Variants in DOK6 observed in about 807,000 individuals in gnomAD.
The protein encoded by DOK6 is downstream of tyrosine kinase 6.
DOK6 carries 22 observed loss-of-function variants against 44.0 expected under a neutral mutation model. The ratio of observed to expected loss-of-function variants is 0.50; its 90% confidence interval spans 0.36 to 0.71. DOK6 has a LOEUF of 0.71. Ranked by LOEUF, DOK6 falls within the 30% of genes least tolerant of loss-of-function variation. The pLI is 0.00. For synonymous variants in DOK6, 166 were observed against 145.5 expected (o/e 1.14, Z -1.01); for missense variants, 340 against 416.4 (o/e 0.82, Z 1.60).
intron 5 of DOK6, among the ~76,000 whole-genome samples, chr18:69,703,855 T>C (rs558861020): frequency 6.6e-6 from 1 of 152,294 alleles, no homozygotes; most frequent in East Asian, 1.9e-4. Context: ...GATAGGTCCT[T>C]TATAGATGGA....
chr18:69,659,176 T>C (rs1243777584), intron 3 of DOK6, among the ~76,000 whole-genome samples: 2 of 152,240 alleles, frequency 1.3e-5, no homozygotes, highest in Non-Finnish European at 2.9e-5. Context: ...TCTCTGCTGC[T>C]CCAGCATTTA....
chr18:69,717,817 G>A lies in DOK6; in HGVS notation c.599+19224G>A, dbSNP rs528536511. Reference sequence around the variant, plus strand: ...AAGGAGGTGGTTGTGAGTGTGGGCTGTATATTGGTTGGTTTGCATTTGAAA... The same window carrying A: ...AAGGAGGTGGTTGTGAGTGTGGGCTATATATTGGTTGGTTTGCATTTGAAA... On this transcript the variant is annotated intron_variant, in intron 5 of 7. Transcript: ENST00000382713. 1.8e-4 allele frequency among the ~76,000 whole-genome samples: 28 copies of A among 152,274 alleles called. No individual in the cohort carries two copies. The Middle Eastern group carries it at 0.01, about 55-fold the overall frequency.
In DOK6 at chr18:69,742,360, G is replaced by A. The variant is rs538265900; in HGVS notation, c.738+3257G>A. On this transcript the variant is annotated intron_variant, in intron 6 of 7. Coordinates refer to ENST00000382713, the MANE Select transcript of DOK6 (RefSeq NM_152721.6). ...ACCCAGGAGGCAGAGGTTGCAGTGA[G>A]CCGAGTTCGTGCCATTGCACTCTAG... 6.9e-4 allele frequency among the ~76,000 whole-genome samples: 105 copies of A among 151,134 alleles called. 1 individual carries two copies. The highest frequency in any genetic ancestry group is 2.5e-3 in the African/African-American group (101 of 41,170).
chr18:69,670,982 C>A (rs1463424453), intron 3 of DOK6, among the ~76,000 whole-genome samples: 2 of 152,124 alleles, frequency 1.3e-5, no homozygotes, highest in African/African-American at 2.4e-5. Context: ...TCCCCCAACA[C>A]ACACACACAC....
chr18:69,532,255 C>T (rs561355234), intron 1 of DOK6, among the ~76,000 whole-genome samples: 5 of 152,278 alleles, frequency 3.3e-5, no homozygotes, highest in Non-Finnish European at 5.9e-5. Flanking sequence ...TCCCTTCTCC[C>T]GGTTTTACTG....
chr18:69,668,232 C>G (rs1034224272), intron 3 of DOK6, among the ~76,000 whole-genome samples: 4 of 152,156 alleles, frequency 2.6e-5, no homozygotes, highest in African/African-American at 7.2e-5. Flanking sequence ...TTCCTCTTCT[C>G]CTGTTATCCA....
Position 69,595,803 on chromosome 18 carries a change from G to A in DOK6, c.175-3581G>A, listed in dbSNP as rs143410707. On this transcript the variant is annotated intron_variant, in intron 2 of 7. Coordinates refer to ENST00000382713, the MANE Select transcript of DOK6 (RefSeq NM_152721.6). Reference sequence around the variant, plus strand: ...GGTGCAAAAAATTTTTAATCCATGCGTAGTTTTTTCACTATAAGCATTTTC... The same window carrying A: ...GGTGCAAAAAATTTTTAATCCATGCATAGTTTTTTCACTATAAGCATTTTC... Among the ~76,000 whole-genome samples the A allele has an allele frequency of 5.6e-3, 860 of 152,244 alleles. 3 individuals carry two copies. Among genetic ancestry groups the A allele is most frequent in the East Asian group, 0.02 (106 of 5,178 alleles).
At chr18:69,429,261 A>T (rs2122419948) in intron 1 of DOK6, among the ~76,000 whole-genome samples, 1 of 152,218 alleles carries the variant, frequency 6.6e-6, no homozygotes, top group Middle Eastern at 3.4e-3. Context: ...TAGCATGGAC[A>T]TATTCCTGTG....
intron 7 of DOK6, among the ~76,000 whole-genome samples, chr18:69,836,210 T>C (rs1334277267): frequency 6.6e-6 from 1 of 152,204 alleles, no homozygotes; most frequent in Non-Finnish European, 1.5e-5. Context: ...CTGGTTTGGA[T>C]TTTTTATGAT....
chr18:69,481,624 G>T (rs973016484), intron 1 of DOK6, among the ~76,000 whole-genome samples: 9 of 152,190 alleles, frequency 5.9e-5, no homozygotes, highest in Middle Eastern at 3.4e-3. Flanking sequence ...GTCTATCATT[G>T]TTGGACATTT....
rs80281123 is a variant in DOK6, at chr18:69,457,538, C to A, written c.66+56228C>A. 1.0e-3 allele frequency among the ~76,000 whole-genome samples: 155 copies of A among 152,252 alleles called. 1 individual carries two copies. The highest frequency in any genetic ancestry group is 3.5e-3 in the African/African-American group (146 of 41,542). On this transcript the variant is annotated intron_variant, in intron 1 of 7. Coordinates refer to ENST00000382713, the MANE Select transcript of DOK6 (RefSeq NM_152721.6). The stretch of plus-strand genomic sequence containing the variant: ...AGTATGCTGTTTTGGTTACTCTAGT[C>A]CTATAGTATAGTCTGAAGTCAGGTG...
chr18:69,518,993 T>G (rs997439939), intron 1 of DOK6, among the ~76,000 whole-genome samples: 1 of 152,088 alleles, frequency 6.6e-6, no homozygotes, highest in Non-Finnish European at 1.5e-5. Flanking sequence ...ATGGAAAATC[T>G]TTCTTACGCT....
chr18:69,673,792 G>T (rs959775886), intron 3 of DOK6, among the ~76,000 whole-genome samples: 5 of 152,156 alleles, frequency 3.3e-5, no homozygotes, highest in African/African-American at 1.2e-4. Context: ...GAACATAGCT[G>T]CAAGCTATCT....
Position 69,847,926 on chromosome 18 carries a change from C to G in DOK6, c.*6543C>G, listed in dbSNP as rs933823384. On this transcript the variant is annotated 3_prime_UTR_variant, in exon 8 of 8. Transcript: ENST00000382713. The stretch of plus-strand genomic sequence containing the variant: ...ATGACATCAACAACTCAGGCTGCTC[C>G]CTGACATAAAAGCCAGTTCCATCTT... 5 of 151,778 alleles carry G rather than the reference C, an allele frequency of 3.3e-5. No individual in the cohort carries two copies. Among genetic ancestry groups the G allele is most frequent in the Non-Finnish European group, 5.9e-5 (4 of 67,988 alleles). The allele number at this position is 151,778 out of a possible 1,614,324, so 9.4% of individuals were successfully genotyped here.
At chr18:69,804,021 C>T (rs922379781) in intron 7 of DOK6, among the ~76,000 whole-genome samples, 2 of 152,034 alleles carry the variant, frequency 1.3e-5, no homozygotes, top group Admixed American at 1.3e-4. Context: ...AACAATTCAG[C>T]CAAATGAAAA....
At chr18:69,652,843 A>G (rs944623063) in intron 3 of DOK6, among the ~76,000 whole-genome samples, 4 of 152,214 alleles carry the variant, frequency 2.6e-5, no homozygotes, top group Non-Finnish European at 5.9e-5. Context: ...GGCAAGCTTG[A>G]AAAAAGCATA....
chr18:69,426,601 A>C (rs972969809), intron 1 of DOK6, among the ~76,000 whole-genome samples: 1 of 152,200 alleles, frequency 6.6e-6, no homozygotes, highest in Admixed American at 6.5e-5. Flanking sequence ...AAACATAATA[A>C]ATTGAGAAAC....
At chr18:69,622,568 T>G (rs887560417) in intron 3 of DOK6, among the ~76,000 whole-genome samples, 1 of 152,224 alleles carries the variant, frequency 6.6e-6, no homozygotes, top group East Asian at 1.9e-4. Context: ...TCTAAGAACA[T>G]AGCTGTGGTT....
chr18:69,659,314 C>G (rs1985449311), intron 3 of DOK6, among the ~76,000 whole-genome samples: 1 of 152,122 alleles, frequency 6.6e-6, no homozygotes, highest in Non-Finnish European at 1.5e-5. Flanking sequence ...CGTGTGCCTC[C>G]AAATGGTTCA....
Sources: allele counts gnomAD v4.1 joint callset (sites outside exome capture counted in the v4.1 genomes callset), GRCh38; gene constraint gnomAD v4.1.1; transcripts MANE v1.5; gene names NCBI Gene and HGNC (gene_info 2026-07-23, HGNC 2026-07-21).